The following ZNF385B variants were observed in gnomAD, a reference collection of about 807,000 sequenced individuals.
The protein encoded by ZNF385B is zinc finger protein 533.
ZNF385B carries 23 observed loss-of-function variants against 39.2 expected under a neutral mutation model. That is an observed-to-expected ratio of 0.59 (90% CI 0.42 to 0.83). The LOEUF (loss-of-function observed/expected upper bound fraction) is 0.83. Among genes scored for constraint, ZNF385B ranks in the 40% least tolerant of loss-of-function variants. The pLI, the probability that ZNF385B is intolerant of heterozygous loss-of-function variation, is 0.00. For synonymous variants in ZNF385B, 205 were observed against 222.6 expected, an observed-to-expected ratio of 0.92 and a Z score of 0.70; for missense variants, 552 against 598.9, an observed-to-expected ratio of 0.92 and a Z score of 0.82.
intron 3 of ZNF385B, among the ~76,000 whole-genome samples, chr2:179,732,612 G>C (rs751150026): frequency 2.0e-5 from 3 of 152,168 alleles, no homozygotes; most frequent in Non-Finnish European, 2.9e-5. Flanking sequence ...TTTGGGCTCA[G>C]CTGGGATTTT....
chr2:179,676,390 A>T (rs886072645), intron 3 of ZNF385B, among the ~76,000 whole-genome samples: 3 of 151,484 alleles, frequency 2.0e-5, no homozygotes, highest in African/African-American at 7.3e-5. Flanking sequence ...GCCCAGCCTA[A>T]TTTTTTTGTA....
At chr2:179,503,874 CA>C in intron 5 of ZNF385B, among the ~76,000 whole-genome samples, 1 of 113,890 alleles carries the variant, frequency 8.8e-6, no homozygotes, top group Admixed American at 8.9e-5. Flanking sequence ...TTTTTTTTTT[CA>C]TTCTTTTTTT....
intron 3 of ZNF385B, among the ~76,000 whole-genome samples, chr2:179,608,412 G>A (rs1183648450): frequency 6.6e-6 from 1 of 152,148 alleles, no homozygotes; most frequent in Non-Finnish European, 1.5e-5. Context: ...TGTGCAGAAG[G>A]AGAAGTTTCA....
At chr2:179,666,866 C>T (rs1575148114) in intron 3 of ZNF385B, among the ~76,000 whole-genome samples, 3 of 152,108 alleles carry the variant, frequency 2.0e-5, no homozygotes, top group Admixed American at 2.0e-4. Flanking sequence ...AATGTATGAA[C>T]AGACTCCAAC....
intron 3 of ZNF385B, chr2:179,583,961 A>G (rs1686814519): frequency 7.7e-7 from 1 of 1,303,586 alleles, no homozygotes; most frequent in African/African-American, 1.5e-5. Flanking sequence ...CTCAGTTCAT[A>G]CATTCATATT....
intron 6 of ZNF385B, among the ~76,000 whole-genome samples, chr2:179,450,789 A>G (rs1270114438): frequency 1.3e-5 from 2 of 152,088 alleles, no homozygotes; most frequent in Admixed American, 6.5e-5. Flanking sequence ...TGCTATAAAG[A>G]CATATGCACA....
chr2:179,798,279 C>A lies in ZNF385B; in HGVS notation c.-154-27607G>T, dbSNP rs1360610021. On this transcript the variant is annotated intron_variant, in intron 1 of 9. Transcript: ENST00000410066. The stretch of plus-strand genomic sequence containing the variant: ...ATCTCTTCTTTATTTCCTGCCCCAG[C>A]CCTAGAATCAACCATTTCTCCAAGG... Among the ~76,000 whole-genome samples the A allele has an allele frequency of 2.6e-5, 4 of 151,896 alleles. No homozygotes were observed. The East Asian group carries it at 7.7e-4, about 29-fold the overall frequency.
At chr2:179,817,636 T>C (rs1171149645) in intron 1 of ZNF385B, among the ~76,000 whole-genome samples, 3 of 151,312 alleles carry the variant, frequency 2.0e-5, no homozygotes, top group African/African-American at 7.3e-5. Context: ...TGTGTGTGAG[T>C]AGACATCACT....
intron 4 of ZNF385B, among the ~76,000 whole-genome samples, chr2:179,537,264 T>C (rs1449295732): frequency 3.4e-5 from 5 of 148,042 alleles, no homozygotes; most frequent in Non-Finnish European, 7.4e-5. Flanking sequence ...ATTGTGCCAT[T>C]GTACTCTAGC....
Position 179,544,900 on chromosome 2 carries a change from A to T in ZNF385B, c.368T>A (p.Leu123Gln). 1 of 1,614,160 alleles carries T rather than the reference A, an allele frequency of 6.2e-7. No individual in the cohort carries two copies. Among genetic ancestry groups the T allele is most frequent in the Non-Finnish European group, 8.5e-7 (1 of 1,179,986 alleles). Residue 123 changes from leucine (L) to glutamine (Q), a missense_variant, in exon 4 of 10, where the codon CTG becomes CAG. Leu to Gln is a moderately radical substitution (Grantham distance 113). Transcript: ENST00000410066. The stretch of plus-strand genomic sequence containing the variant: ...AAAAGACATAAATGGTTTGATATCC[A>T]GTGAAGGCTGCATCATCAGGGTAGG... The part of the protein sequence containing the change: ...RTPTLMMQPS[L>Q]DIKPFMSFPV...
chr2:179,464,488 T>A (rs1410271496), intron 6 of ZNF385B, among the ~76,000 whole-genome samples: 1 of 152,140 alleles, frequency 6.6e-6, no homozygotes, highest in South Asian at 2.1e-4. Context: ...CTAGGTCTTA[T>A]GTTTAAGTCT....
At chr2:179,450,452 C>T (rs1265311513) in intron 6 of ZNF385B, among the ~76,000 whole-genome samples, 3 of 152,192 alleles carry the variant, frequency 2.0e-5, no homozygotes, top group Non-Finnish European at 4.4e-5. Context: ...TATGAACAGA[C>T]ACTTCTCAAA....
rs188986865 is a variant in ZNF385B at position 179,592,279 on chromosome 2, T to C, written c.299-47310A>G. Among the ~76,000 whole-genome samples the C allele has an allele frequency of 8.8e-4, 134 of 152,190 alleles. 1 individual carries two copies. In the South Asian group the frequency reaches 0.016, roughly 18 times the overall value. On this transcript the variant is annotated intron_variant, in intron 3 of 9. Coordinates refer to ENST00000410066, the MANE Select transcript of ZNF385B (RefSeq NM_152520.6). The stretch of plus-strand genomic sequence containing the variant: ...TTCAAGCAGGCAAATATAAAGTCTA[T>C]TTGGAAAAAAAAACCCTGTTCATTT...
intron 1 of ZNF385B, among the ~76,000 whole-genome samples, chr2:179,848,339 C>T (rs544963742): frequency 6.6e-6 from 1 of 152,288 alleles, no homozygotes; most frequent in South Asian, 2.1e-4. Context: ...TTTCCAAAAG[C>T]CCATATAAAA....
chr2:179,836,208 T>A, intron 1 of ZNF385B, among the ~76,000 whole-genome samples: 1 of 152,216 alleles, frequency 6.6e-6, no homozygotes, highest in East Asian at 1.9e-4. Flanking sequence ...GAAATTATCA[T>A]GTTTATGCAT....
intron 3 of ZNF385B, among the ~76,000 whole-genome samples, chr2:179,701,207 A>G (rs1263147993): frequency 6.6e-6 from 1 of 152,120 alleles, no homozygotes; most frequent in Non-Finnish European, 1.5e-5. Flanking sequence ...CATCCTCCCC[A>G]CCTGGCTTCT....
chr2:179,692,703 C>T (rs1698447292), intron 3 of ZNF385B, among the ~76,000 whole-genome samples: 1 of 152,184 alleles, frequency 6.6e-6, no homozygotes, highest in Admixed American at 6.5e-5. Context: ...ATTTACCTCT[C>T]CAAATATTAG....
intron 3 of ZNF385B, among the ~76,000 whole-genome samples, chr2:179,658,124 T>C (rs1208195211): frequency 6.6e-6 from 1 of 152,212 alleles, no homozygotes; most frequent in African/African-American, 2.4e-5. Context: ...TTTTAAAAAA[T>C]ATGTATCTTC....
At chr2:179,770,732 A>G (rs1703965964) in intron 1 of ZNF385B, 60 bp from the exon 2 acceptor site, 1 of 152,254 alleles carries the variant, frequency 6.6e-6, no homozygotes, top group Non-Finnish European at 1.5e-5. Context: ...AATGAAATAG[A>G]ATAAGAAATA....
Sources: allele counts gnomAD v4.1 joint callset (sites outside exome capture counted in the v4.1 genomes callset), GRCh38; gene constraint gnomAD v4.1.1; transcripts MANE v1.5; gene names NCBI Gene and HGNC (gene_info 2026-07-23, HGNC 2026-07-21).